The following CCDC138 variants were observed in gnomAD, a reference collection of about 807,000 sequenced individuals.
The protein encoded by CCDC138 is coiled-coil domain containing 138, also known as coiled-coil domain-containing protein 138.
Under a neutral mutation model 82.3 loss-of-function variants are expected in CCDC138, and 66 were observed. The observed-to-expected ratio is 0.80, with a 90% CI of 0.66 to 0.98. The LOEUF is 0.98. Among genes scored for constraint, CCDC138 ranks in the 50% least tolerant of loss-of-function variants. The pLI, the probability that CCDC138 is intolerant of heterozygous loss-of-function variation, is 0.00. For missense variants in CCDC138, 816 were observed against 758.9 expected (o/e 1.08, Z -0.88); for synonymous variants, 297 against 265.4 (o/e 1.12, Z -1.16).
At chr2:108,823,929 A>G (rs1487157824) in intron 10 of CCDC138, among the ~76,000 whole-genome samples, 5 of 151,850 alleles carry the variant, frequency 3.3e-5, no homozygotes, top group Non-Finnish European at 7.4e-5. Context: ...GTGAGCCAAG[A>G]TCGCGCCACT....
At chr2:108,809,271 T>A (rs898640018) in intron 7 of CCDC138, among the ~76,000 whole-genome samples, 1 of 152,218 alleles carries the variant, frequency 6.6e-6, no homozygotes, top group Non-Finnish European at 1.5e-5. Context: ...TTTTGTTGTT[T>A]TCGCACAGGA....
At chr2:108,804,839 T>C (rs1177595646) in intron 6 of CCDC138, 50 bp from the exon 7 acceptor site, 1 of 1,428,562 alleles carries the variant, frequency 7.0e-7, no homozygotes, top group East Asian at 2.6e-5. Flanking sequence ...GTATTAGTGA[T>C]ATACAGTCCT....
intron 6 of CCDC138, among the ~76,000 whole-genome samples, chr2:108,800,471 G>C (rs147478019): frequency 0.022 from 3,388 of 152,010 alleles, 122 homozygotes; most frequent in African/African-American, 0.078. Flanking sequence ...CACCATGTTG[G>C]TCAGGCTGGT....
intron 4 of CCDC138, among the ~76,000 whole-genome samples, chr2:108,793,534 A>ATATACCC (rs1680298529): frequency 6.6e-6 from 1 of 152,170 alleles, no homozygotes; most frequent in Non-Finnish European, 1.5e-5. Flanking sequence ...GAATCTGCAC[A>ATATACCC]TATACCCTAT....
chr2:108,846,369 T>C (rs1276825461), intron 11 of CCDC138, among the ~76,000 whole-genome samples: 1 of 152,150 alleles, frequency 6.6e-6, no homozygotes, highest in African/African-American at 2.4e-5. Context: ...ATACATATAT[T>C]TGATTTAATA....
In CCDC138 at chr2:108,843,844, TTGTGTGTG is replaced by T. The variant is rs71383805; in HGVS notation, c.1324-2866_1324-2859del. Among the ~76,000 whole-genome samples the T allele has an allele frequency of 2.2e-4, 5 of 22,808 alleles. 1 individual carries two copies. Among genetic ancestry groups the T allele is most frequent in the Non-Finnish European group, 4.5e-4 (2 of 4,470 alleles). The allele number at this position is 22,808 out of a possible 152,430, so 15.0% of individuals were successfully genotyped here. ...GTCATTATTTCTTCAAGTTCATGTT[TTGTGTGTG>T]TGTGTGTGTGTGTGTGTGTGTGTGT... is the stretch of plus-strand genomic sequence containing the variant. On this transcript the variant is annotated intron_variant, in intron 11 of 14. Coordinates refer to ENST00000295124, the MANE Select transcript of CCDC138 (RefSeq NM_144978.3).
At chr2:108,863,352 G>A (rs1382953834) in intron 13 of CCDC138, among the ~76,000 whole-genome samples, 2 of 152,140 alleles carry the variant, frequency 1.3e-5, no homozygotes, top group Non-Finnish European at 2.9e-5. Flanking sequence ...GAAATACAAT[G>A]GGAAGGTTTA....
chr2:108,816,476 T>C (rs1269203555), intron 10 of CCDC138, among the ~76,000 whole-genome samples: 1 of 151,860 alleles, frequency 6.6e-6, no homozygotes, highest in Non-Finnish European at 1.5e-5. Context: ...AAAACAAATT[T>C]GAGGGGCTGC....
chr2:108,804,937 A>G lies in CCDC138; in HGVS notation c.784A>G (p.Asn262Asp), dbSNP rs745540124. Reference sequence around the variant, plus strand: ...CTTAACCGAAGTTCTTAAGGAAAAGAATAAAGAAACCAAGAGACTGAGGTC... The same window carrying G: ...CTTAACCGAAGTTCTTAAGGAAAAGGATAAAGAAACCAAGAGACTGAGGTC... ...EHLTEVLKEKNKETKRLRSSF... is the reference protein window; with the variant it reads ...EHLTEVLKEKDKETKRLRSSF... The change falls in exon 7 of 15, where the codon AAT (asparagine) becomes GAT (aspartate). Residue 262 changes from asparagine (N) to aspartate (D), a missense_variant. Physicochemically the swap from Asn to Asp is conservative, Grantham distance 23 (BLOSUM62 1). Transcript: ENST00000295124. 6.3e-6 allele frequency: 10 copies of G among 1,575,180 alleles called. No individual in the cohort carries two copies. The highest frequency in any genetic ancestry group is 6.9e-6 in the Non-Finnish European group (8 of 1,166,458).
At chr2:108,806,955 G>A (rs1682978319) in intron 7 of CCDC138, among the ~76,000 whole-genome samples, 1 of 152,196 alleles carries the variant, frequency 6.6e-6, no homozygotes, top group African/African-American at 2.4e-5. Context: ...GGGTGAATTA[G>A]AGGGAGACAG....
rs113570568 is a variant in CCDC138 at position 108,861,877 on chromosome 2, G to A, written c.1693+4907G>A. ...GCACTGTTTTTACTGTATCCTACAG[G>A]TTTTGGTATGTTATATCTTGATTTT... is the stretch of plus-strand genomic sequence containing the variant. On this transcript the variant is annotated intron_variant, in intron 13 of 14. Coordinates refer to ENST00000295124, the MANE Select transcript of CCDC138 (RefSeq NM_144978.3). Among the ~76,000 whole-genome samples the A allele has an allele frequency of 6.1e-3, 926 of 152,042 alleles. 9 individuals are homozygous for A. The highest frequency in any genetic ancestry group is 6.7e-3 in the Non-Finnish European group (454 of 67,964).
chr2:108,788,578 G>C (rs142286581), intron 2 of CCDC138, among the ~76,000 whole-genome samples: 3,396 of 148,750 alleles, frequency 0.023, 124 homozygotes, highest in African/African-American at 0.081. Context: ...AAATTAGCCG[G>C]GTGTGGTGGC....
chr2:108,822,547 G>A (rs912562557), intron 10 of CCDC138, among the ~76,000 whole-genome samples: 6 of 152,108 alleles, frequency 3.9e-5, no homozygotes, highest in Non-Finnish European at 7.4e-5. Flanking sequence ...GATAAACTAC[G>A]TGTTTGGCCA....
At position 108,873,333 on chromosome 2, in the gene CCDC138, A is replaced by G. The variant is rs921439926; in HGVS notation, c.1694-118A>G. 4.1e-6 allele frequency: 4 copies of G among 966,390 alleles called. No individual in the cohort carries two copies. The East Asian group carries it at 1.2e-4, about 29-fold the overall frequency. The allele number at this position is 966,390 out of a possible 1,614,324, so 59.9% of individuals were successfully genotyped here. A position where few individuals can be genotyped will look rare whatever the true frequency, so the allele number is the denominator to read the frequency against. On this transcript the variant is annotated intron_variant, in intron 13 of 14. Transcript: ENST00000295124. The stretch of plus-strand genomic sequence containing the variant: ...TTTCACTCAAAAATTTAAGTATGAA[A>G]AGAATGAAAATCTAAATGAATATTT...
At chr2:108,841,233 T>C (rs904306600) in intron 11 of CCDC138, among the ~76,000 whole-genome samples, 1 of 152,192 alleles carries the variant, frequency 6.6e-6, no homozygotes, top group African/African-American at 2.4e-5. Flanking sequence ...AGAATATGTA[T>C]TCTGTTGTTT....
chr2:108,844,395 T>G (rs1328463481), intron 11 of CCDC138, among the ~76,000 whole-genome samples: 1 of 127,166 alleles, frequency 7.9e-6, no homozygotes, highest in Non-Finnish European at 1.8e-5. Flanking sequence ...AAATATTCAC[T>G]TGGTTCTTTT....
chr2:108,825,306 A>T (rs1351304069), intron 10 of CCDC138, among the ~76,000 whole-genome samples: 3 of 152,072 alleles, frequency 2.0e-5, no homozygotes, highest in African/African-American at 7.2e-5. Context: ...TAACAGCTTT[A>T]TTGAGATATA....
At chr2:108,821,764 G>T (rs1410445554) in intron 10 of CCDC138, among the ~76,000 whole-genome samples, 2 of 152,018 alleles carry the variant, frequency 1.3e-5, no homozygotes, top group African/African-American at 4.8e-5. Flanking sequence ...GGTCAACATG[G>T]TGAAACCCCA....
At position 108,788,073 on chromosome 2, in the gene CCDC138, A is replaced by T. The variant is rs1204348783; in HGVS notation, c.135A>T (p.Arg45Ser). Reference sequence around the variant, plus strand: ...TTTATCAGTCTAAGTATAAGAGAAGAACTCTAACCTCCCCAGGTAAGCCGG... The same window carrying T: ...TTTATCAGTCTAAGTATAAGAGAAGTACTCTAACCTCCCCAGGTAAGCCGG... ...SNFYQSKYKR[R>S]TLTSPGDLDI... The change falls in exon 2 of 15, where the codon AGA (arginine) becomes AGT (serine). Residue 45 changes from arginine (R) to serine (S), a missense_variant. Coordinates refer to ENST00000295124, the MANE Select transcript of CCDC138 (RefSeq NM_144978.3). The T allele has an allele frequency of 2.5e-6, 4 of 1,601,266 alleles. No homozygotes were observed. The highest frequency in any genetic ancestry group is 3.4e-6 in the Non-Finnish European group (4 of 1,175,666).
Sources: allele counts gnomAD v4.1 joint callset (sites outside exome capture counted in the v4.1 genomes callset), GRCh38; gene constraint gnomAD v4.1.1; transcripts MANE v1.5; gene names NCBI Gene and HGNC (gene_info 2026-07-23, HGNC 2026-07-21).